Variants in GRIK2 observed in about 807,000 individuals in gnomAD.
The protein encoded by GRIK2 is glutamate receptor ionotropic, kainate 2.
A neutral mutation model predicts 100.3 loss-of-function variants in GRIK2; 32 were observed. The ratio of observed to expected loss-of-function variants is 0.32; its 90% confidence interval spans 0.24 to 0.43. The LOEUF (loss-of-function observed/expected upper bound fraction) is 0.43. Ranked by LOEUF, GRIK2 falls within the 20% of genes least tolerant of loss-of-function variation. The pLI is 1.00. For missense variants in GRIK2, 843 were observed against 1,114.9 expected, an observed-to-expected ratio of 0.76 and a Z score of 3.47; for synonymous variants, 417 against 389.4, an observed-to-expected ratio of 1.07 and a Z score of -0.83.
chr6:101,707,586 G>GTA (rs1482076939), intron 7 of GRIK2, among the ~76,000 whole-genome samples: 2,035 of 131,538 alleles, frequency 0.015, 93 homozygotes, highest in African/African-American at 0.062. Flanking sequence ...ATGTGTGTGT[G>GTA]TGTGTGTGTA....
intron 4 of GRIK2, among the ~76,000 whole-genome samples, chr6:101,644,797 A>G (rs757301405): frequency 3.6e-4 from 54 of 151,866 alleles, no homozygotes; most frequent in Non-Finnish European, 6.5e-4. Context: ...TCAGGCATAG[A>G]ACAGAATTGC....
intron 14 of GRIK2, among the ~76,000 whole-genome samples, chr6:102,014,284 G>A (rs904236318): frequency 1.1e-4 from 13 of 122,472 alleles, no homozygotes; most frequent in Non-Finnish European, 2.1e-4. Context: ...GGGGTCAGTG[G>A]TAATAATCCC....
chr6:101,450,363 A>G (rs1770607908), intron 2 of GRIK2, among the ~76,000 whole-genome samples: 2 of 151,706 alleles, frequency 1.3e-5, no homozygotes, highest in South Asian at 2.1e-4. Context: ...ATATTGTACT[A>G]TGTTATTGTA....
At chr6:101,503,148 C>T (rs1773852065) in intron 2 of GRIK2, among the ~76,000 whole-genome samples, 1 of 152,156 alleles carries the variant, frequency 6.6e-6, no homozygotes, top group South Asian at 2.1e-4. Context: ...ATGTCAAACT[C>T]TGCAGAGAAG....
intron 2 of GRIK2, among the ~76,000 whole-genome samples, chr6:101,516,939 T>C (rs1774617069): frequency 1.3e-5 from 2 of 152,086 alleles, no homozygotes; most frequent in Admixed American, 1.3e-4. Context: ...TAATTAACAG[T>C]ATGTATTTTT....
chr6:101,798,360 C>T (rs950122758), intron 7 of GRIK2, among the ~76,000 whole-genome samples: 1 of 151,958 alleles, frequency 6.6e-6, no homozygotes, highest in African/African-American at 2.4e-5. Context: ...GGATGTATGC[C>T]TCAATGAACA....
chr6:101,572,773 GA>G (rs1473860863), intron 2 of GRIK2, among the ~76,000 whole-genome samples: 5 of 124,924 alleles, frequency 4.0e-5, no homozygotes, highest in African/African-American at 1.6e-4. Flanking sequence ...TTTTTTTTTA[GA>G]ATCACTTTAA....
At chr6:101,849,024 T>G (rs1783964803) in intron 10 of GRIK2, among the ~76,000 whole-genome samples, 1 of 151,982 alleles carries the variant, frequency 6.6e-6, no homozygotes, top group Non-Finnish European at 1.5e-5. Context: ...CTAATAAAAA[T>G]TTTTAGTTTA....
At chr6:101,626,337 C>T in intron 3 of GRIK2, 43 bp from the exon 4 acceptor site, 1 of 1,548,780 alleles carries the variant, frequency 6.5e-7, no homozygotes, top group Non-Finnish European at 8.8e-7. Flanking sequence ...GGCACACTGG[C>T]ACCTCTCCTC....
At chr6:101,680,754 A>G (rs1429238371) in intron 5 of GRIK2, among the ~76,000 whole-genome samples, 2 of 152,176 alleles carry the variant, frequency 1.3e-5, no homozygotes, top group African/African-American at 2.4e-5. Context: ...GAGCCATCTG[A>G]ACATATCCAT....
At chr6:101,926,921 G>T (rs1046472359) in intron 13 of GRIK2, among the ~76,000 whole-genome samples, 4 of 151,960 alleles carry the variant, frequency 2.6e-5, no homozygotes, top group African/African-American at 9.7e-5. Flanking sequence ...TGACTTTATT[G>T]GTGTTGTTGT....
At chr6:102,022,058 G>A (rs1208846160) in intron 14 of GRIK2, among the ~76,000 whole-genome samples, 1 of 149,448 alleles carries the variant, frequency 6.7e-6, no homozygotes, top group East Asian at 2.0e-4. Context: ...AAACTTCACT[G>A]GCTCTATGAA....
intron 4 of GRIK2, among the ~76,000 whole-genome samples, chr6:101,662,320 G>A (rs996082114): frequency 6.6e-6 from 1 of 152,166 alleles, no homozygotes; most frequent in Admixed American, 6.5e-5. Context: ...AGAAGTGAAA[G>A]AAGGTGACAT....
chr6:101,791,197 G>C (rs543215364), intron 7 of GRIK2, among the ~76,000 whole-genome samples: 54 of 152,080 alleles, frequency 3.6e-4, no homozygotes, highest in East Asian at 1.9e-3. Flanking sequence ...TTTTTTGTGT[G>C]TCTATTTCCT....
intron 2 of GRIK2, among the ~76,000 whole-genome samples, chr6:101,474,859 TAATA>T (rs140139842): frequency 0.034 from 5,154 of 152,052 alleles, 127 homozygotes; most frequent in Admixed American, 0.069. Context: ...GCTCACATAA[TAATA>T]CTGTTAATCA....
intron 2 of GRIK2, among the ~76,000 whole-genome samples, chr6:101,409,319 G>A (rs1224685465): frequency 3.9e-5 from 6 of 151,976 alleles, no homozygotes; most frequent in African/African-American, 1.5e-4. Flanking sequence ...TATAGCCTAG[G>A]TATATAGTAG....
intron 2 of GRIK2, among the ~76,000 whole-genome samples, chr6:101,583,221 C>T (rs1018247375): frequency 1.3e-5 from 2 of 151,928 alleles, no homozygotes; most frequent in African/African-American, 2.4e-5. Flanking sequence ...AAAGGGGAGT[C>T]GGCTGGTGGA....
intron 2 of GRIK2, among the ~76,000 whole-genome samples, chr6:101,563,026 A>C (rs1430700301): frequency 6.6e-6 from 1 of 152,192 alleles, no homozygotes; most frequent in Non-Finnish European, 1.5e-5. Context: ...TCACTAAAAA[A>C]TATGTTTGAT....
chr6:102,011,577 C>CTTTTTTTTTTT (rs763369559), intron 14 of GRIK2, among the ~76,000 whole-genome samples: 15 of 76,648 alleles, frequency 2.0e-4, no homozygotes, highest in African/African-American at 6.1e-4. Flanking sequence ...CTTTCTTTTC[C>CTTTTTTTTTTT]TTTTTTTTTT....
Sources: allele counts gnomAD v4.1 joint callset (sites outside exome capture counted in the v4.1 genomes callset), GRCh38; gene constraint gnomAD v4.1.1; transcripts MANE v1.5; gene names NCBI Gene and HGNC (gene_info 2026-07-23, HGNC 2026-07-21).